EDNRB: variants seen among roughly 807,000 people sequenced by gnomAD.
EDNRB encodes Hirschsprung disease 2.
EDNRB carries 18 observed loss-of-function variants against 46.4 expected under a neutral mutation model. The ratio of observed to expected loss-of-function variants is 0.39; its 90% CI spans 0.27 to 0.57. The LOEUF (loss-of-function observed/expected upper bound fraction) is 0.57, where lower values mean the gene tolerates loss of function less well. EDNRB is among the 20% of genes least tolerant of loss of function. The probability of loss-of-function intolerance (pLI) is 0.61; values close to 1 mark genes in which losing one functional copy is unlikely to be tolerated. For missense variants in EDNRB, 434 were observed against 537.5 expected (o/e 0.81, Z 1.90); for synonymous variants, 213 against 204.9 (o/e 1.04, Z -0.34).
chr13:77,914,021 T>C (rs1345357843), intron 1 of EDNRB, among the ~76,000 whole-genome samples: 1 of 152,230 alleles, frequency 6.6e-6, no homozygotes, highest in African/African-American at 2.4e-5. Context: ...CATATACATA[T>C]TACAGATAAA....
upstream of EDNRB, chr13:77,919,208 G>T: frequency 1.5e-6 from 1 of 649,884 alleles, no homozygotes; most frequent in Non-Finnish European, 2.5e-6. Flanking sequence ...GCAGGAACTT[G>T]GAAACCGCTG....
chr13:77,935,950 G>T (rs946947879), intron 1 of EDNRB, among the ~76,000 whole-genome samples: 30 of 152,198 alleles, frequency 2.0e-4, no homozygotes, highest in Admixed American at 6.5e-5. Flanking sequence ...AGGCTTGTCT[G>T]GTTTTAGGAC....
In EDNRB at chr13:77,962,676, C is replaced by T. The variant is rs534153868; in HGVS notation, c.-52+12671G>A. On this transcript the variant is annotated intron_variant, in intron 1 of 7. Coordinates refer to the EDNRB transcript ENST00000646948. ...CACAGCCAGTATCATACTGAATGGG[C>T]AAAAAACTGGAAGCATTCCGTTTGA... 8.5e-5 allele frequency among the ~76,000 whole-genome samples: 13 copies of T among 152,112 alleles called. No individual in the cohort carries two copies. In the South Asian group the frequency reaches 1.2e-3, roughly 15 times the overall value.
chr13:77,938,686 C>T (rs917255771), intron 1 of EDNRB, among the ~76,000 whole-genome samples: 4 of 152,196 alleles, frequency 2.6e-5, no homozygotes, highest in African/African-American at 9.6e-5. Context: ...ACAGATAAAA[C>T]GTGTCTCCTT....
intron 1 of EDNRB, among the ~76,000 whole-genome samples, chr13:77,950,044 C>T (rs776964767): frequency 3.9e-5 from 6 of 152,180 alleles, no homozygotes; most frequent in Non-Finnish European, 7.3e-5. Context: ...GCCAATACCT[C>T]GTGTGCATGG....
At chr13:77,919,869 A>G, upstream of EDNRB, 2 of 377,228 alleles carry the variant, frequency 5.3e-6, no homozygotes, top group Non-Finnish European at 9.6e-6. Context: ...AAGGCTCTGC[A>G]CTGAACGTGA....
At chr13:77,933,562 C>T (rs925599646) in intron 1 of EDNRB, among the ~76,000 whole-genome samples, 1 of 152,140 alleles carries the variant, frequency 6.6e-6, no homozygotes, top group Admixed American at 6.5e-5. Flanking sequence ...AAGGCAGGAA[C>T]TGGCCATCTG....
In EDNRB at chr13:77,952,199, G is replaced by A. The variant is rs557031326; in HGVS notation, c.-52+23148C>T. 2.0e-5 allele frequency among the ~76,000 whole-genome samples: 3 copies of A among 152,302 alleles called. No individual in the cohort carries two copies. The South Asian group carries it at 6.2e-4, about 32-fold the overall frequency. ...ACAGCTACTCCATAGACAAGAGGAG[G>A]ACGTTCCCGAAAGTAGGAGAAGGAA... On this transcript the variant is annotated intron_variant, in intron 1 of 7. Transcript: ENST00000646948.
chr13:77,910,752 T>G (rs1480790123), intron 1 of EDNRB, among the ~76,000 whole-genome samples: 5 of 151,960 alleles, frequency 3.3e-5, no homozygotes, highest in Non-Finnish European at 1.5e-5. Flanking sequence ...CCCCTAGAGT[T>G]GTGCAAGGCA....
intron 1 of EDNRB, among the ~76,000 whole-genome samples, chr13:77,963,911 A>G (rs1308533539): frequency 6.6e-6 from 1 of 152,218 alleles, no homozygotes; most frequent in Non-Finnish European, 1.5e-5. Context: ...AATGAACTCA[A>G]ACAAATTTAC....
upstream of EDNRB, among the ~76,000 whole-genome samples, chr13:77,920,701 G>T (rs969448218): frequency 6.6e-5 from 10 of 152,216 alleles, no homozygotes; most frequent in African/African-American, 2.4e-4. Context: ...GGTTGTGAGT[G>T]CTAATTCCAA....
chr13:77,954,356 T>C (rs1266883948), intron 1 of EDNRB, among the ~76,000 whole-genome samples: 1 of 152,144 alleles, frequency 6.6e-6, no homozygotes, highest in Non-Finnish European at 1.5e-5. Context: ...TTTAGAAGTA[T>C]CTTATGTGTA....
rs1878861084 is a variant in EDNRB at position 77,900,050 on chromosome 13, G to A, written c.1086-83C>T. On this transcript the variant is annotated intron_variant, in intron 5 of 6. Coordinates refer to ENST00000646607, the MANE Select transcript of EDNRB (RefSeq NM_001122659.3). The stretch of plus-strand genomic sequence containing the variant: ...ATTGTAGCTTCTGTGCTTTTGTAAG[G>A]AAAAAAAATGCCAATATACAATGGT... 8.8e-6 allele frequency: 10 copies of A among 1,130,686 alleles called. 1 individual carries two copies. In the South Asian group the frequency reaches 1.0e-4, roughly 12 times the overall value. 70.0% of individuals were successfully genotyped at this position (1,130,686 alleles called of 1,614,324 possible). A position where few individuals can be genotyped will look rare whatever the true frequency, so the allele number is the denominator to read the frequency against.
At chr13:77,965,176 A>T (rs1265848581) in intron 1 of EDNRB, among the ~76,000 whole-genome samples, 1 of 152,222 alleles carries the variant, frequency 6.6e-6, no homozygotes, top group Non-Finnish European at 1.5e-5. Flanking sequence ...TTGAATTATC[A>T]ATAGACAACT....
chr13:77,897,508 T>TGCCAGCCTGTTACATGC lies in EDNRB; in HGVS notation c.*691_*692insGCATGTAACAGGCTGGC. 1.0e-6 allele frequency: 1 copy of TGCCAGCCTGTTACATGC among 980,386 alleles called. No homozygotes were observed. The allele number at this position is 980,386 out of a possible 1,614,324, so 60.7% of individuals were successfully genotyped here. On this transcript the variant is annotated 3_prime_UTR_variant, in exon 7 of 7. Transcript: ENST00000646607. ...ATATTTTAAATTCAGCTGGCACATG[T>TGCCAGCCTGTTACATGC]GCCAGTCTGTTACATGCTGCTTGTT...
At chr13:77,931,591 C>T (rs551612046) in intron 1 of EDNRB, among the ~76,000 whole-genome samples, 37 of 151,976 alleles carry the variant, frequency 2.4e-4, no homozygotes, top group African/African-American at 5.3e-4. Context: ...AACGCCAGGG[C>T]GTCTAATTGT....
rs531312991 is a variant in EDNRB at position 77,935,148 on chromosome 13, G to A, written c.-51-16524C>T. ...AAGTTATGAGAACTGTAGAGAGTGA[G>A]TTGAGCATAGTTTGTGATTTTAAGG... On this transcript the variant is annotated intron_variant, in intron 1 of 7. Transcript: ENST00000646948. Among the ~76,000 whole-genome samples, 3 of 152,346 alleles carry A rather than the reference G, an allele frequency of 2.0e-5. No individual in the cohort carries two copies. In the East Asian group the frequency reaches 5.8e-4, roughly 29 times the overall value.
intron 1 of EDNRB, chr13:77,939,252 C>A (rs746334787): frequency 3.9e-5 from 6 of 152,142 alleles, no homozygotes; most frequent in Admixed American, 6.5e-5. Flanking sequence ...TCAGTTAAGG[C>A]AGGAACAGGC....
upstream of EDNRB, chr13:77,919,417 G>A: frequency 6.2e-7 from 1 of 1,612,494 alleles, no homozygotes; most frequent in Non-Finnish European, 8.5e-7. Flanking sequence ...TGACAAACCA[G>A]ATGCAGAGCG....
Sources: allele counts gnomAD v4.1 joint callset (sites outside exome capture counted in the v4.1 genomes callset), GRCh38; gene constraint gnomAD v4.1.1; transcripts MANE v1.5; gene names NCBI Gene and HGNC (gene_info 2026-07-23, HGNC 2026-07-21).